The following STXBP5 variants were observed in gnomAD, a reference collection of about 807,000 sequenced individuals.
STXBP5 encodes syntaxin binding protein 5.
STXBP5 carries 50 observed loss-of-function variants against 152.4 expected under a neutral mutation model. That is an observed-to-expected ratio of 0.33 (90% CI 0.26 to 0.42). The LOEUF (loss-of-function observed/expected upper bound fraction) is 0.42, where lower values mean the gene tolerates loss of function less well. Among genes scored for constraint, STXBP5 ranks in the 10% least tolerant of loss-of-function variants. The pLI is 1.00. For missense variants in STXBP5, 1,167 were observed against 1,388.6 expected, an observed-to-expected ratio of 0.84 and a Z score of 2.54; for synonymous variants, 492 against 494.7, an observed-to-expected ratio of 0.99 and a Z score of 0.07.
Position 147,278,175 on chromosome 6 carries a change from C to G in STXBP5, c.809C>G (p.Ala270Gly), listed in dbSNP as rs766497214. ...TLTIWNVRSP[A>G]KPVQTITPHG... ...ACTATATGGAATGTAAGGTCCCCTG[C>G]TAAACCAGTACAGACAATCACTCCA... Residue 270 changes from alanine (A) to glycine (G), a missense_variant, in exon 8 of 28, where the codon GCT becomes GGT. This residue lies in a region of STXBP5 where 310 missense variants were observed against 346.1 expected (regional missense o/e 0.90). Transcript: ENST00000321680. 6.2e-7 allele frequency: 1 copy of G among 1,612,378 alleles called. No homozygotes were observed. Among genetic ancestry groups the G allele is most frequent in the South Asian group, 1.1e-5 (1 of 90,928 alleles).
chr6:147,348,661 A>G (rs1784448859), intron 21 of STXBP5, among the ~76,000 whole-genome samples: 1 of 152,148 alleles, frequency 6.6e-6, no homozygotes, highest in Non-Finnish European at 1.5e-5. Context: ...GAGTTGGGGG[A>G]GTAGTACTGG....
intron 17 of STXBP5, 30 bp downstream of exon 17, chr6:147,325,114 C>T (rs1158305562): frequency 1.4e-6 from 2 of 1,465,530 alleles, no homozygotes; most frequent in Non-Finnish European, 1.8e-6. Context: ...TTTTCTAAGT[C>T]TCTTCATAGT....
intron 25 of STXBP5, among the ~76,000 whole-genome samples, chr6:147,372,172 T>C (rs1271954015): frequency 1.3e-5 from 2 of 152,046 alleles, no homozygotes; most frequent in Non-Finnish European, 2.9e-5. Flanking sequence ...TTCAGTCTTA[T>C]AAATAAAACT....
intron 17 of STXBP5, among the ~76,000 whole-genome samples, chr6:147,326,193 G>A (rs1783247619): frequency 6.6e-6 from 1 of 152,126 alleles, no homozygotes; most frequent in East Asian, 1.9e-4. Context: ...GCCACACAAT[G>A]TAAGAGCACA....
In STXBP5 at chr6:147,235,349, A is replaced by G. The variant is rs1412982088; in HGVS notation, c.330+18A>G. The G allele has an allele frequency of 1.5e-5, 24 of 1,606,818 alleles. No individual in the cohort carries two copies. Among genetic ancestry groups the G allele is most frequent in the Non-Finnish European group, 2.0e-5 (24 of 1,174,712 alleles). On this transcript the variant is annotated intron_variant, in intron 3 of 27. Transcript: ENST00000321680. ...TTAATGAGGTTAGTGAATTGTTTTA[A>G]TCATTTCTACTTATATCCAAAATAG...
chr6:147,249,597 C>T (rs1295563582), intron 4 of STXBP5, among the ~76,000 whole-genome samples: 1 of 152,140 alleles, frequency 6.6e-6, no homozygotes, highest in African/African-American at 2.4e-5. Flanking sequence ...CGAGCCGATT[C>T]TTCTTGCTGC....
chr6:147,224,524 G>T (rs191893457), intron 2 of STXBP5, among the ~76,000 whole-genome samples: 3 of 152,330 alleles, frequency 2.0e-5, no homozygotes, highest in Non-Finnish European at 2.9e-5. Flanking sequence ...ATCAGGTTAA[G>T]AATGCAAATG....
chr6:147,294,454 A>G (rs1781420905), intron 9 of STXBP5, among the ~76,000 whole-genome samples: 1 of 152,106 alleles, frequency 6.6e-6, no homozygotes, highest in Non-Finnish European at 1.5e-5. Flanking sequence ...CACATACACC[A>G]CTGGTATATG....
rs1782593456 is a variant in STXBP5, at chr6:147,315,438, A to T, written c.1403-77A>T. ...TAAATATGGACCATTTTCTATACAT[A>T]GTATGAGTGATTAAATGTTACCTTA... On this transcript the variant is annotated intron_variant, in intron 14 of 27. Coordinates refer to ENST00000321680, the MANE Select transcript of STXBP5 (RefSeq NM_001127715.4). The T allele has an allele frequency of 3.1e-6, 3 of 959,530 alleles. No homozygotes were observed. In the South Asian group the frequency reaches 4.9e-5, roughly 16 times the overall value. The allele number at this position is 959,530 out of a possible 1,614,324, so 59.4% of individuals were successfully genotyped here.
At chr6:147,247,399 C>G (rs955138561) in intron 4 of STXBP5, among the ~76,000 whole-genome samples, 10 of 152,064 alleles carry the variant, frequency 6.6e-5, no homozygotes, top group Admixed American at 6.5e-4. Flanking sequence ...TACTCTGGAC[C>G]TAATTCTGAT....
At chr6:147,300,517 G>C (rs1436430051) in intron 9 of STXBP5, among the ~76,000 whole-genome samples, 3 of 152,018 alleles carry the variant, frequency 2.0e-5, no homozygotes, top group African/African-American at 7.2e-5. Context: ...TGTATCTATA[G>C]CCAGTTGATT....
At chr6:147,340,779 A>G (rs939338803) in intron 21 of STXBP5, among the ~76,000 whole-genome samples, 1 of 152,144 alleles carries the variant, frequency 6.6e-6, no homozygotes, top group Non-Finnish European at 1.5e-5. Flanking sequence ...TGTTTTAAAT[A>G]GAATATGTAA....
chr6:147,205,520 A>T (rs1454497711), intron 1 of STXBP5, among the ~76,000 whole-genome samples: 1 of 152,090 alleles, frequency 6.6e-6, no homozygotes, highest in East Asian at 1.9e-4. Context: ...TGCTCTACTG[A>T]ATGCTTGACT....
At chr6:147,236,536 A>G (rs976607551) in intron 3 of STXBP5, among the ~76,000 whole-genome samples, 2 of 152,156 alleles carry the variant, frequency 1.3e-5, no homozygotes, top group African/African-American at 2.4e-5. Context: ...TCAAAACAAT[A>G]CTATTAACTA....
At chr6:147,281,027 A>G (rs1196539139) in intron 8 of STXBP5, among the ~76,000 whole-genome samples, 1 of 152,168 alleles carries the variant, frequency 6.6e-6, no homozygotes, top group African/African-American at 2.4e-5. Flanking sequence ...TCTTTTTGGC[A>G]GTAAAAACTA....
chr6:147,372,311 A>C (rs1785577791), intron 25 of STXBP5, among the ~76,000 whole-genome samples: 1 of 151,692 alleles, frequency 6.6e-6, no homozygotes, highest in African/African-American at 2.4e-5. Context: ...CCAAGGAAGA[A>C]ACCCTGAAAA....
chr6:147,380,618 T>C (rs926609095), intron 26 of STXBP5, among the ~76,000 whole-genome samples: 12 of 151,796 alleles, frequency 7.9e-5, no homozygotes, highest in African/African-American at 1.9e-4. Flanking sequence ...TTCTAAGATA[T>C]GACACCTAAA....
intron 21 of STXBP5, among the ~76,000 whole-genome samples, chr6:147,345,848 A>G (rs900669877): frequency 2.0e-5 from 3 of 152,210 alleles, no homozygotes; most frequent in African/African-American, 4.8e-5. Flanking sequence ...CATTGCAGAC[A>G]TAATTATTGT....
intron 4 of STXBP5, among the ~76,000 whole-genome samples, chr6:147,247,293 G>C (rs1582837166): frequency 6.6e-6 from 1 of 152,170 alleles, no homozygotes; most frequent in Non-Finnish European, 1.5e-5. Flanking sequence ...AAGTGTACAG[G>C]CATTAGAAAT....
Sources: gnomAD v4.1 joint callset for allele counts (sites outside exome capture counted in the v4.1 genomes callset) on GRCh38, gnomAD v4.1.1 for gene constraint, gnomAD v4.1.1 regional missense constraint, MANE v1.5 for transcripts, NCBI Gene and HGNC (gene_info 2026-07-23, HGNC 2026-07-21) for gene names.